The following CHD9 variants were observed in gnomAD, a reference collection of about 807,000 sequenced individuals.
The protein encoded by CHD9 is ATP-dependent chromatin remodeler CHD9.
A neutral mutation model predicts 316.1 loss-of-function variants in CHD9; 77 were observed. That is an observed-to-expected ratio of 0.24 (90% CI 0.20 to 0.29). The LOEUF is 0.29. Ranked by LOEUF, CHD9 falls within the 10% of genes least tolerant of loss-of-function variation. CHD9 has a pLI of 1.00. For synonymous variants in CHD9, 1,129 were observed against 1,158.3 expected, an observed-to-expected ratio of 0.97 and a Z score of 0.51; for missense variants, 2,763 against 3,438.1, an observed-to-expected ratio of 0.80 and a Z score of 4.91.
At chr16:53,089,471 A>C (rs7184986) in intron 1 of CHD9, among the ~76,000 whole-genome samples, 117,961 of 152,148 alleles carry the variant, frequency 0.78, 46,009 homozygotes, top group East Asian at 0.82. Context: ...CATATTTAAT[A>C]TCTTTGAGCT....
At chr16:53,157,780 CTTCTT>C (rs2152748508) in intron 2 of CHD9, among the ~76,000 whole-genome samples, 1 of 152,206 alleles carries the variant, frequency 6.6e-6, no homozygotes, top group East Asian at 1.9e-4. Flanking sequence ...GGTGTTAAGA[CTTCTT>C]TTGTGATGTT....
intron 1 of CHD9, among the ~76,000 whole-genome samples, chr16:53,107,393 G>A (rs2037440422): frequency 6.6e-6 from 1 of 151,278 alleles, no homozygotes; most frequent in African/African-American, 2.4e-5. Flanking sequence ...CCGGGAGGTG[G>A]AGGTTGCAGT....
At chr16:53,289,716 C>T (rs1465989989) in intron 27 of CHD9, among the ~76,000 whole-genome samples, 1 of 152,124 alleles carries the variant, frequency 6.6e-6, no homozygotes, top group Non-Finnish European at 1.5e-5. Context: ...TCTACCACTC[C>T]TAGGGCTCAG....
intron 30 of CHD9, among the ~76,000 whole-genome samples, chr16:53,297,455 C>T (rs1279942193): frequency 6.6e-6 from 1 of 152,176 alleles, no homozygotes; most frequent in African/African-American, 2.4e-5. Flanking sequence ...TTTTGTTAAA[C>T]AGAACTAACC....
intron 1 of CHD9, among the ~76,000 whole-genome samples, chr16:53,122,598 A>T (rs2038789365): frequency 1.4e-5 from 2 of 144,168 alleles, no homozygotes; most frequent in South Asian, 4.3e-4. Context: ...AGGCTGGAGT[A>T]CAGTGGCACA....
chr16:53,121,576 G>A, intron 1 of CHD9: 2 of 358,880 alleles, frequency 5.6e-6, no homozygotes, highest in Non-Finnish European at 5.5e-6. Flanking sequence ...GATTAAGTGG[G>A]CCTACAAGTG....
At chr16:53,127,354 C>T (rs1473506817) in intron 1 of CHD9, among the ~76,000 whole-genome samples, 1 of 152,200 alleles carries the variant, frequency 6.6e-6, no homozygotes, top group African/African-American at 2.4e-5. Flanking sequence ...GAAAACTCCA[C>T]AAATTTACAT....
At position 53,227,378 on chromosome 16, in the gene CHD9, C is replaced by G; in HGVS notation, c.2044-18C>G. On this transcript the variant is annotated intron_variant, in intron 5 of 38. Coordinates refer to ENST00000447540, the MANE Select transcript of CHD9 (RefSeq NM_001308319.2). The stretch of plus-strand genomic sequence containing the variant: ...TTCAGAATGTGTTCTGTCATTATTT[C>G]TTTCCTCCCTCCCATAGGAGAATCC... The G allele has an allele frequency of 6.6e-7, 1 of 1,521,004 alleles. No individual in the cohort carries two copies. The highest frequency in any genetic ancestry group is 8.9e-7 in the Non-Finnish European group (1 of 1,120,778). 94.2% of individuals were successfully genotyped at this position (1,521,004 alleles called of 1,614,324 possible). A position where few individuals can be genotyped will look rare whatever the true frequency, so the allele number is the denominator to read the frequency against.
At chr16:53,142,696 T>C (rs1209560582) in intron 1 of CHD9, among the ~76,000 whole-genome samples, 1 of 152,266 alleles carries the variant, frequency 6.6e-6, no homozygotes, top group East Asian at 1.9e-4. Flanking sequence ...CCTTCAACTA[T>C]GCCATGACTG....
chr16:53,132,893 C>T lies in CHD9; in HGVS notation c.-164-23033C>T, dbSNP rs368064542. The stretch of plus-strand genomic sequence containing the variant: ...ACGCCATCTCGGCTCACTGCAACCT[C>T]TTCCTCCCAGGTTCAAGCAGTTCTC... On this transcript the variant is annotated intron_variant, in intron 1 of 38. Coordinates refer to ENST00000447540, the MANE Select transcript of CHD9 (RefSeq NM_001308319.2). 1.6e-4 allele frequency among the ~76,000 whole-genome samples: 23 copies of T among 146,744 alleles called. 1 individual carries two copies. The highest frequency in any genetic ancestry group is 1.2e-3 in the Admixed American group (17 of 14,390).
In CHD9 at chr16:53,307,872, A is replaced by G. The variant is rs1383908631; in HGVS notation, c.6972A>G (p.Lys2324=). ...CCACTCCCCCAGGTGCCGGTGTTAA[A>G]GAAGAACATGATCAGTCAACACAGA... is the stretch of plus-strand genomic sequence containing the variant. ...SVPTPPGAGV[K]EEHDQSTQMS... The change falls in exon 33 of 39, where the codon AAA becomes AAG. Residue 2324 remains lysine (K), a synonymous_variant. Transcript: ENST00000447540. The G allele has an allele frequency of 6.2e-7, 1 of 1,613,738 alleles. No individual in the cohort carries two copies. Among genetic ancestry groups the G allele is most frequent in the Non-Finnish European group, 8.5e-7 (1 of 1,179,854 alleles).
In CHD9 at chr16:53,065,503, C is replaced by T. The variant is rs149990896; in HGVS notation, c.-165+10426C>T. On this transcript the variant is annotated intron_variant, in intron 1 of 38. Transcript: ENST00000447540. ...TTTAAAAATGAGCTGGATGTGTGGG[C>T]GAGCACCTGTAGTCTCAGTTACTTG... Among the ~76,000 whole-genome samples the T allele has an allele frequency of 1.8e-3, 279 of 151,850 alleles. 1 individual carries two copies. The highest frequency in any genetic ancestry group is 6.1e-3 in the African/African-American group (253 of 41,356).
chr16:53,123,456 C>T (rs960295296), intron 1 of CHD9, among the ~76,000 whole-genome samples: 1 of 151,882 alleles, frequency 6.6e-6, no homozygotes, highest in Non-Finnish European at 1.5e-5. Context: ...AACAGTCAAG[C>T]CTTTTGTATC....
At chr16:53,182,831 T>G (rs1014724102) in intron 2 of CHD9, among the ~76,000 whole-genome samples, 6 of 152,206 alleles carry the variant, frequency 3.9e-5, no homozygotes, top group African/African-American at 1.4e-4. Context: ...AATGAATGTT[T>G]TAGAGACTTA....
intron 2 of CHD9, among the ~76,000 whole-genome samples, chr16:53,170,345 A>G (rs1380223708): frequency 1.3e-5 from 2 of 152,190 alleles, no homozygotes; most frequent in African/African-American, 4.8e-5. Context: ...TTAAAAATCA[A>G]TGTCGTAACC....
chr16:53,202,543 C>A (rs2152852447), intron 2 of CHD9, among the ~76,000 whole-genome samples: 1 of 152,182 alleles, frequency 6.6e-6, no homozygotes, highest in Non-Finnish European at 1.5e-5. Flanking sequence ...CTGGATTTTA[C>A]TGATTACATC....
intron 12 of CHD9, among the ~76,000 whole-genome samples, chr16:53,239,924 T>A (rs2048949797): frequency 6.6e-6 from 1 of 152,188 alleles, no homozygotes; most frequent in South Asian, 2.1e-4. Context: ...TATAGATGCT[T>A]AATTTCGTAT....
At chr16:53,233,263 CTCACAGCACTCAGGAA>C (rs1245349040) in intron 10 of CHD9, among the ~76,000 whole-genome samples, 1 of 152,146 alleles carries the variant, frequency 6.6e-6, no homozygotes, top group Non-Finnish European at 1.5e-5. Context: ...GCTAGAGCAG[CTCACAGCACTCAGGAA>C]GACATTCAAG....
At chr16:53,142,069 TATC>T (rs1228868649) in intron 1 of CHD9, among the ~76,000 whole-genome samples, 1 of 152,196 alleles carries the variant, frequency 6.6e-6, no homozygotes, top group Non-Finnish European at 1.5e-5. Context: ...TAAATTTAGA[TATC>T]ATAAAATATG....
Sources: allele counts gnomAD v4.1 joint callset (sites outside exome capture counted in the v4.1 genomes callset), GRCh38; gene constraint gnomAD v4.1.1; transcripts MANE v1.5; gene names NCBI Gene and HGNC (gene_info 2026-07-23, HGNC 2026-07-21).